The following ASAH1 variants were observed in gnomAD, a reference collection of about 807,000 sequenced individuals.
The protein encoded by ASAH1 is N-acylsphingosine amidohydrolase 1, also known as acid ceramidase.
ASAH1 carries 70 observed loss-of-function variants against 59.5 expected under a neutral mutation model. That is an observed-to-expected ratio of 1.18 (90% CI 0.97 to 1.43). The LOEUF is 1.43. Among genes scored for constraint, ASAH1 ranks in the 40% most tolerant of loss-of-function variants. The pLI is 0.00. For missense variants in ASAH1, 660 were observed against 482.5 expected, an observed-to-expected ratio of 1.37 and a Z score of -3.45; for synonymous variants, 213 against 166.5, an observed-to-expected ratio of 1.28 and a Z score of -2.15.
intron 1 of ASAH1, chr8:18,083,434 G>A (rs1018778526): frequency 6.4e-6 from 1 of 157,062 alleles, no homozygotes; most frequent in African/African-American, 2.4e-5. Context: ...AAGAGCCACG[G>A]GACAGGCGAT....
intron 4 of ASAH1, chr8:18,068,201 G>A (rs1247107505): frequency 6.6e-6 from 1 of 152,102 alleles, no homozygotes; most frequent in Non-Finnish European, 1.5e-5. Flanking sequence ...TGAGAAAACT[G>A]AGGTTTCATA....
At chr8:18,078,021 G>A (rs1165625437) in intron 1 of ASAH1, among the ~76,000 whole-genome samples, 1 of 152,068 alleles carries the variant, frequency 6.6e-6, no homozygotes, top group Non-Finnish European at 1.5e-5. Flanking sequence ...CAGAGTCAAT[G>A]GCTTTCCCTG....
In ASAH1 at chr8:18,064,459, T is replaced by G. The variant is rs1245000996; in HGVS notation, c.455A>C (p.Lys152Thr). Residue 152 changes from lysine (K) to threonine (T), a missense_variant and splice_region_variant, in exon 6 of 14, where the codon AAA (lysine) becomes ACA (threonine). Physicochemically the swap from Lys to Thr is moderately conservative, Grantham distance 78. Transcript: ENST00000637790. ...ACCCTCCCTCAGCGCACAATTACCT[T>G]TTTTGTCTTCTGCTACTATTGAAGT... ...ICTSIVAEDK[K>T]GHLIHGRNMD... 2 of 1,561,216 alleles carry G rather than the reference T, an allele frequency of 1.3e-6. No homozygotes were observed. Among genetic ancestry groups the G allele is most frequent in the Admixed American group, 1.7e-5 (1 of 59,670 alleles).
intron 1 of ASAH1, among the ~76,000 whole-genome samples, chr8:18,079,178 TAGG>T (rs1247848882): frequency 1.3e-5 from 2 of 148,800 alleles, no homozygotes; most frequent in African/African-American, 5.0e-5. Context: ...AAGGCTGAGG[TAGG>T]AGAATTGCCT....
In ASAH1 at chr8:18,059,456, G is replaced by A; in HGVS notation, c.926C>T (p.Ala309Val). The change falls in exon 12 of 14, where the codon GCT becomes GTT. Residue 309 changes from alanine to valine, a missense_variant. Coordinates refer to ENST00000637790, the MANE Select transcript of ASAH1 (RefSeq NM_177924.5). ...TACCACATACCATCTACCCTGCTTA[G>A]CATCGAGTCTAGATACAAAAGGAGA... The part of the protein sequence containing the change: ...KESLDVYELD[A>V]KQGRWYVVQT... 1 of 1,614,166 alleles carries A rather than the reference G, an allele frequency of 6.2e-7. No homozygotes were observed. Among genetic ancestry groups the A allele is most frequent in the African/African-American group, 1.3e-5 (1 of 75,056 alleles).
chr8:18,061,566 TAG>T, intron 9 of ASAH1, 108 bp from the exon 10 acceptor site: 1 of 1,450,506 alleles, frequency 6.9e-7, no homozygotes, highest in South Asian at 1.1e-5. Flanking sequence ...CAGAAGAGGT[TAG>T]ACTTTGTAAC....
chr8:18,074,024 A>G (rs1051501514), intron 2 of ASAH1, among the ~76,000 whole-genome samples: 3 of 149,854 alleles, frequency 2.0e-5, no homozygotes, highest in Non-Finnish European at 4.4e-5. Context: ...GCACATGGCA[A>G]TAAGAGTCAG....
chr8:18,057,905 G>A, intron 13 of ASAH1: 1 of 175,244 alleles, frequency 5.7e-6, no homozygotes, highest in South Asian at 1.4e-4. Context: ...AGAATCTCCA[G>A]CTCCTTATAG....
chr8:18,061,306 C>A (rs568455593), intron 10 of ASAH1, 71 bp downstream of exon 10: 1 of 1,325,142 alleles, frequency 7.5e-7, no homozygotes, highest in East Asian at 2.6e-5. Context: ...TGGAGCTTGA[C>A]AAATATTTTT....
intron 2 of ASAH1, chr8:18,073,289 T>G (rs1480094570): frequency 1.9e-6 from 3 of 1,572,882 alleles, no homozygotes; most frequent in Non-Finnish European, 8.7e-7. Flanking sequence ...ATATGAAAAA[T>G]GCAAAAATAA....
Position 18,084,066 on chromosome 8 carries a change from G to C in ASAH1, c.-8C>G. On this transcript the variant is annotated 5_prime_UTR_variant, in exon 1 of 14. Transcript: ENST00000637790. The stretch of plus-strand genomic sequence containing the variant: ...GCAACTCCGGCCCGGCATCGCTCTA[G>C]CAGCCAACGCCACTCCCCGGACTCC... 1 of 1,598,480 alleles carries C rather than the reference G, an allele frequency of 6.3e-7. No homozygotes were observed. The highest frequency in any genetic ancestry group is 8.5e-7 in the Non-Finnish European group (1 of 1,179,636).
At chr8:18,060,712 A>G (rs1799658824) in intron 10 of ASAH1, 1 of 152,382 alleles carries the variant, frequency 6.6e-6, no homozygotes, top group African/African-American at 2.4e-5. Context: ...AAGGCAAGAT[A>G]TAACTTACAG....
At chr8:18,069,689 T>C in intron 4 of ASAH1, 103 bp downstream of exon 4, 2 of 796,548 alleles carry the variant, frequency 2.5e-6, no homozygotes, top group South Asian at 1.5e-5. Context: ...TCATGCAGAT[T>C]TGCCCAAGTC....
chr8:18,072,830 A>C (rs887264747), intron 2 of ASAH1, among the ~76,000 whole-genome samples: 2 of 152,176 alleles, frequency 1.3e-5, no homozygotes, highest in African/African-American at 4.8e-5. Context: ...AAGATAACTC[A>C]GTGGCCTGTT....
chr8:18,066,540 C>T (rs1799936755), intron 5 of ASAH1: 1 of 108,132 alleles, frequency 9.2e-6, no homozygotes, highest in Non-Finnish European at 2.0e-5. Flanking sequence ...TAAAGATTGA[C>T]ACTAACAAAA....
chr8:18,071,562 G>C (rs1417006024), intron 2 of ASAH1, among the ~76,000 whole-genome samples, 172 bp from the exon 3 acceptor site: 1 of 152,078 alleles, frequency 6.6e-6, no homozygotes, highest in Non-Finnish European at 1.5e-5. Context: ...CTTCTAGGTT[G>C]AGAACACAAT....
rs117451907 is a variant in ASAH1, at chr8:18,075,344, A to G, written c.125+197T>C. ...TGATAGTCTAGCGACGGGCATTTGA[A>G]TCGGAAGATATTTTCATATTTGTCC... On this transcript the variant is annotated intron_variant, in intron 2 of 13. Transcript: ENST00000637790. 2.7e-3 allele frequency: 1,881 copies of G among 700,778 alleles called. 6 individuals carry two copies. The highest frequency in any genetic ancestry group is 3.0e-3 in the Non-Finnish European group (1,180 of 388,330). 43.4% of individuals were successfully genotyped at this position (700,778 alleles called of 1,614,324 possible).
intron 4 of ASAH1, chr8:18,068,324 C>G (rs764252859): frequency 6.6e-6 from 1 of 152,192 alleles, no homozygotes; most frequent in African/African-American, 2.4e-5. Context: ...ATGTTGCCCT[C>G]CCTGATAACA....
rs1799610310 is a variant in ASAH1, at chr8:18,059,638, C to T, written c.851G>A (p.Gly284Glu). ...ACAACCTTCCCCAGACTGGTTGCCT[C>T]CCAGGATAAAGTAGGCTGGGGCCAA... Reference protein sequence around the residue: ...KILAPAYFILGGNQSGEGCVI... With the variant: ...KILAPAYFILEGNQSGEGCVI... The change falls in exon 11 of 14, where the codon GGA becomes GAA. Residue 284 changes from glycine (G) to glutamate (E), a missense_variant. Gly to Glu is a moderately conservative substitution (Grantham distance 98, BLOSUM62 -2). Transcript: ENST00000637790. The T allele has an allele frequency of 1.2e-6, 2 of 1,614,068 alleles. No homozygotes were observed. The highest frequency in any genetic ancestry group is 1.7e-5 in the Admixed American group (1 of 60,006).
Sources: allele counts gnomAD v4.1 joint callset (sites outside exome capture counted in the v4.1 genomes callset), GRCh38; gene constraint gnomAD v4.1.1; transcripts MANE v1.5; gene names NCBI Gene and HGNC (gene_info 2026-07-23, HGNC 2026-07-21).